TNPO1: variants seen among roughly 807,000 people sequenced by gnomAD.
TNPO1 encodes the protein transportin 1, also known as transportin-1.
A neutral mutation model predicts 119.5 loss-of-function variants in TNPO1; 8 were observed. The observed-to-expected ratio is 0.07, with a 90% CI of 0.04 to 0.12. TNPO1 has a LOEUF of 0.12. Ranked by LOEUF, TNPO1 falls within the 10% of genes least tolerant of loss-of-function variation. The pLI, the probability that TNPO1 is intolerant of heterozygous loss-of-function variation, is 1.00. For missense variants in TNPO1, 576 were observed against 1,089.8 expected (o/e 0.53, Z 6.64); for synonymous variants, 362 against 363.0 (o/e 1.00, Z 0.03).
At chr5:72,863,739 CAAA>C (rs1197299206) in intron 5 of TNPO1, among the ~76,000 whole-genome samples, 7 of 69,688 alleles carry the variant, frequency 1.0e-4, no homozygotes, top group Admixed American at 2.8e-4. Flanking sequence ...CCAGCCATCT[CAAA>C]AAAAAAAAAA....
At chr5:72,841,188 T>C (rs1479226332) in intron 1 of TNPO1, among the ~76,000 whole-genome samples, 1 of 151,730 alleles carries the variant, frequency 6.6e-6, no homozygotes, top group East Asian at 1.9e-4. Flanking sequence ...TGGCACAATC[T>C]TGGCTCACTG....
intron 20 of TNPO1, among the ~76,000 whole-genome samples, chr5:72,897,840 T>A (rs1749544410): frequency 6.6e-6 from 1 of 152,032 alleles, no homozygotes; most frequent in Non-Finnish European, 1.5e-5. Flanking sequence ...CTAAGATGAT[T>A]CCCATAATTT....
intron 5 of TNPO1, among the ~76,000 whole-genome samples, chr5:72,864,059 T>A (rs915207306): frequency 6.6e-6 from 1 of 152,168 alleles, no homozygotes; most frequent in Non-Finnish European, 1.5e-5. Context: ...TTTGTTCTTA[T>A]TTGAAATTTT....
chr5:72,860,778 A>G (rs1374454109), intron 4 of TNPO1, among the ~76,000 whole-genome samples: 1 of 152,218 alleles, frequency 6.6e-6, no homozygotes, highest in Non-Finnish European at 1.5e-5. Flanking sequence ...TTCCAGATTA[A>G]GTCAGGGAGC....
chr5:72,910,926 A>G lies in TNPO1; in HGVS notation c.*2253A>G, dbSNP rs183896453. On this transcript the variant is annotated 3_prime_UTR_variant, in exon 25 of 25. Coordinates refer to ENST00000337273, the MANE Select transcript of TNPO1 (RefSeq NM_002270.4). The stretch of plus-strand genomic sequence containing the variant: ...TATAGTGCCTGATATTTTTAATATT[A>G]TAAGTTGGATTCAAAGGGTATACAG... 1.4e-3 allele frequency: 212 copies of G among 152,172 alleles called. 1 individual carries two copies. Among genetic ancestry groups the G allele is most frequent in the African/African-American group, 4.8e-3 (201 of 41,552 alleles). 9.4% of individuals were successfully genotyped at this position (152,172 alleles called of 1,614,324 possible). A position where few individuals can be genotyped will look rare whatever the true frequency, so the allele number is the denominator to read the frequency against.
chr5:72,849,773 C>G (rs1745409975), intron 2 of TNPO1, among the ~76,000 whole-genome samples: 1 of 152,128 alleles, frequency 6.6e-6, no homozygotes, highest in African/African-American at 2.4e-5. Context: ...ATCTTGTAAA[C>G]AGTGCTATGG....
chr5:72,857,398 C>T (rs931173920), intron 4 of TNPO1, among the ~76,000 whole-genome samples: 5 of 152,066 alleles, frequency 3.3e-5, no homozygotes, highest in Non-Finnish European at 7.4e-5. Flanking sequence ...GGCTCTATGA[C>T]CTCCCTGCAG....
chr5:72,905,407 TTAATC>T lies in TNPO1; in HGVS notation c.*2_*6del. 1.9e-6 allele frequency: 3 copies of T among 1,606,200 alleles called. No individual in the cohort carries two copies. Among genetic ancestry groups the T allele is most frequent in the Non-Finnish European group, 2.6e-6 (3 of 1,175,970 alleles). On this transcript the variant is annotated stop_retained_variant and 3_prime_UTR_variant, in exon 24 of 25. Coordinates refer to ENST00000337273, the MANE Select transcript of TNPO1 (RefSeq NM_002270.4). ...AGCGTCTTGCAGCTTTTTATGGTGT[TTAATC>T]TAATACACTTAAGCTGCAGTCCCAA...
At chr5:72,884,088 A>G (rs908911778) in intron 11 of TNPO1, among the ~76,000 whole-genome samples, 4 of 152,094 alleles carry the variant, frequency 2.6e-5, no homozygotes, top group Non-Finnish European at 5.9e-5. Flanking sequence ...CACTCAGGAG[A>G]AGGATTGTTG....
In TNPO1 at chr5:72,885,239, T is replaced by C. The variant is rs1471449001; in HGVS notation, c.1151-1831T>C. ...AAGAGAGATATACCCAAGGTTAGCA[T>C]AGCTAGTACTGATAGCACATCTAGT... is the stretch of plus-strand genomic sequence containing the variant. On this transcript the variant is annotated intron_variant, in intron 11 of 24. Coordinates refer to ENST00000337273, the MANE Select transcript of TNPO1 (RefSeq NM_002270.4). Among the ~76,000 whole-genome samples, 5 of 152,372 alleles carry C rather than the reference T, an allele frequency of 3.3e-5. No individual in the cohort carries two copies. In the South Asian group the frequency reaches 1.0e-3, roughly 32 times the overall value.
chr5:72,851,218 G>A (rs1745524832), intron 2 of TNPO1, 26 bp from the exon 3 acceptor site: 2 of 1,408,032 alleles, frequency 1.4e-6, no homozygotes, highest in African/African-American at 2.9e-5. Context: ...ACACAGAGAA[G>A]TTTCCTTAAC....
chr5:72,882,786 G>T (rs1561341611), intron 10 of TNPO1, among the ~76,000 whole-genome samples: 1 of 152,086 alleles, frequency 6.6e-6, no homozygotes, highest in Admixed American at 6.5e-5. Context: ...TATATATGCT[G>T]CTCTGAATTT....
intron 11 of TNPO1, among the ~76,000 whole-genome samples, chr5:72,884,785 T>G (rs2112428343): frequency 6.6e-6 from 1 of 152,286 alleles, no homozygotes; most frequent in African/African-American, 2.4e-5. Context: ...TGCCACATCA[T>G]GCATGTAATT....
At chr5:72,900,854 ACT>A (rs1341105282) in intron 21 of TNPO1, 118 bp from the exon 22 acceptor site, 1 of 548,392 alleles carries the variant, frequency 1.8e-6, no homozygotes, top group African/African-American at 2.0e-5. Context: ...TTTCCGAAAA[ACT>A]CTTTTAATAT....
chr5:72,837,558 C>G (rs1744737696), intron 1 of TNPO1, among the ~76,000 whole-genome samples: 1 of 152,166 alleles, frequency 6.6e-6, no homozygotes, highest in Non-Finnish European at 1.5e-5. Context: ...AACATTCAAA[C>G]CATAGCATCA....
intron 3 of TNPO1, among the ~76,000 whole-genome samples, chr5:72,852,676 T>C (rs142464873): frequency 1.3e-5 from 2 of 152,210 alleles, no homozygotes; most frequent in Non-Finnish European, 2.9e-5. Flanking sequence ...AATAGTGTTA[T>C]TGTGTAGTAA....
Position 72,846,771 on chromosome 5 carries a change from T to C in TNPO1, c.16-1614T>C, listed in dbSNP as rs536940082. Among the ~76,000 whole-genome samples the C allele has an allele frequency of 1.9e-4, 29 of 152,320 alleles. No individual in the cohort carries two copies. In the East Asian group the frequency reaches 2.7e-3, roughly 14 times the overall value. ...GATGGGTTCACTTTGTAAAAATCCA[T>C]CTATGGATCATATGCTTATCATTTG... is the stretch of plus-strand genomic sequence containing the variant. On this transcript the variant is annotated intron_variant, in intron 1 of 24. Transcript: ENST00000337273.
chr5:72,878,290 A>AT lies in TNPO1; in HGVS notation c.920+951dup, dbSNP rs1486968797. On this transcript the variant is annotated intron_variant, in intron 9 of 24. Transcript: ENST00000337273. Reference sequence around the variant, plus strand: ...CTTTTTGTTATAATTACTAGGAGTGATTTTTTTCCTCAAAGTATATGAGCA... The same window carrying AT: ...CTTTTTGTTATAATTACTAGGAGTGATTTTTTTTCCTCAAAGTATATGAGCA... Among the ~76,000 whole-genome samples the AT allele has an allele frequency of 2.8e-4, 42 of 151,610 alleles. 1 individual carries two copies. Among genetic ancestry groups the AT allele is most frequent in the Non-Finnish European group, 2.9e-5 (2 of 67,926 alleles).
intron 23 of TNPO1, among the ~76,000 whole-genome samples, chr5:72,904,517 C>T (rs549850847): frequency 1.3e-5 from 2 of 152,206 alleles, no homozygotes; most frequent in South Asian, 4.2e-4. Context: ...GCCCAAGGGC[C>T]GGGCTCAGTG....
Sources: allele counts gnomAD v4.1 joint callset (sites outside exome capture counted in the v4.1 genomes callset), GRCh38; gene constraint gnomAD v4.1.1; transcripts MANE v1.5; gene names NCBI Gene and HGNC (gene_info 2026-07-23, HGNC 2026-07-21).